Variants in WDR35 observed in about 807,000 individuals in gnomAD.
WDR35 encodes the protein WD repeat domain 35, also known as WD repeat-containing protein 35.
WDR35 carries 118 observed loss-of-function variants against 158.3 expected under a neutral mutation model. The observed-to-expected ratio is 0.75, with a 90% CI of 0.64 to 0.87. WDR35 has a LOEUF of 0.87. Among genes scored for constraint, WDR35 ranks in the 40% least tolerant of loss-of-function variants. The pLI is 0.00. For synonymous variants in WDR35, 448 were observed against 476.1 expected (o/e 0.94, Z 0.77); for missense variants, 1,263 against 1,405.8 (o/e 0.90, Z 1.62).
chr2:19,927,550 C>T (rs1446208130), intron 25 of WDR35, among the ~76,000 whole-genome samples: 5 of 152,132 alleles, frequency 3.3e-5, no homozygotes, highest in African/African-American at 1.2e-4. Context: ...TTATCTAGAA[C>T]CATGGTGGTA....
At chr2:19,957,847 C>T (rs973456276) in intron 11 of WDR35, among the ~76,000 whole-genome samples, 6 of 152,020 alleles carry the variant, frequency 3.9e-5, no homozygotes, top group Admixed American at 6.5e-5. Flanking sequence ...GCCACCATGC[C>T]CAGCTTGGAA....
At chr2:19,932,526 A>C in intron 22 of WDR35, 79 bp from the exon 23 acceptor site, 1 of 1,565,050 alleles carries the variant, frequency 6.4e-7, no homozygotes, top group East Asian at 2.3e-5. Context: ...AGAAAGCTTT[A>C]AGTTTATAGT....
At position 19,946,285 on chromosome 2, in the gene WDR35, C is replaced by T. The variant is rs77384238; in HGVS notation, c.1634+176G>A. On this transcript the variant is annotated intron_variant, in intron 15 of 26. Coordinates refer to ENST00000281405, the MANE Select transcript of WDR35 (RefSeq NM_020779.4). ...GAGTAAAAAATTATACTAGTACTTC[C>T]ACACGCCCAATTAAAAACATTTAAA... Among the ~76,000 whole-genome samples the T allele has an allele frequency of 9.4e-3, 1,437 of 152,224 alleles. 24 individuals carry two copies. The highest frequency in any genetic ancestry group is 0.033 in the African/African-American group (1,362 of 41,544).
intron 2 of WDR35, among the ~76,000 whole-genome samples, chr2:19,986,036 T>TATA (rs994196340): frequency 6.6e-6 from 1 of 151,508 alleles, no homozygotes; most frequent in Non-Finnish European, 1.5e-5. Flanking sequence ...TAGCTGGAGC[T>TATA]ATAGAGGGAG....
At chr2:19,970,196 C>T (rs1280251337) in intron 8 of WDR35, among the ~76,000 whole-genome samples, 1 of 152,154 alleles carries the variant, frequency 6.6e-6, no homozygotes, top group Non-Finnish European at 1.5e-5. Flanking sequence ...GGAAAAAACA[C>T]ATTGCTAATT....
At chr2:19,978,640 AT>A (rs1672285969) in intron 5 of WDR35, 110 bp downstream of exon 5, 1 of 1,474,358 alleles carries the variant, frequency 6.8e-7, no homozygotes, top group South Asian at 1.2e-5. Flanking sequence ...TTTCCCTTTT[AT>A]GTCTATTTTT....
chr2:19,913,477 A>G lies in WDR35; in HGVS notation c.*81T>C. ...TGATTTTCATACAAAACTCACAGAAATAAACCTTATTACATATACAGCATA... is the reference window on the plus strand; with the variant it reads ...TGATTTTCATACAAAACTCACAGAAGTAAACCTTATTACATATACAGCATA... On this transcript the variant is annotated 3_prime_UTR_variant, in exon 27 of 27. Coordinates refer to ENST00000281405, the MANE Select transcript of WDR35 (RefSeq NM_020779.4). The G allele has an allele frequency of 6.4e-7, 1 of 1,553,438 alleles. No homozygotes were observed. Among genetic ancestry groups the G allele is most frequent in the South Asian group, 1.2e-5 (1 of 85,548 alleles).
intron 5 of WDR35, among the ~76,000 whole-genome samples, chr2:19,977,899 C>T (rs1203448678): frequency 1.3e-5 from 2 of 152,138 alleles, no homozygotes; most frequent in Non-Finnish European, 2.9e-5. Context: ...CTTCTTAGGG[C>T]AGAGACATTC....
rs1670641960 is a variant in WDR35 at position 19,934,819 on chromosome 2, T to C, written c.2547+652A>G. On this transcript the variant is annotated intron_variant, in intron 21 of 26. Transcript: ENST00000281405. This position sits in a 1 kb window ranked among gnomAD's most constrained non-coding sequence, Gnocchi z 4.6. ...AGGGAAAACTGAATTACCGTAATTC[T>C]ATACTTATCTATTAACTAATAGGCA... Among the ~76,000 whole-genome samples the C allele has an allele frequency of 6.6e-6, 1 of 152,196 alleles. No homozygotes were observed. Among genetic ancestry groups the C allele is most frequent in the Non-Finnish European group, 1.5e-5 (1 of 68,030 alleles).
At chr2:19,975,386 G>T in intron 6 of WDR35, 144 bp downstream of exon 6, 1 of 1,065,088 alleles carries the variant, frequency 9.4e-7, no homozygotes, top group Non-Finnish European at 1.3e-6. Flanking sequence ...AAATTTAGAC[G>T]ATTGGGAAAA....
intron 10 of WDR35, among the ~76,000 whole-genome samples, chr2:19,964,199 A>G (rs1469501620): frequency 6.6e-6 from 1 of 151,942 alleles, no homozygotes; most frequent in Non-Finnish European, 1.5e-5. Flanking sequence ...TTTCTCCCCA[A>G]TGTTCTGAAA....
chr2:19,938,144 AAAG>A, intron 18 of WDR35, 118 bp downstream of exon 18: 1 of 1,468,134 alleles, frequency 6.8e-7, no homozygotes, highest in Non-Finnish European at 9.4e-7. Flanking sequence ...TACATCTTAA[AAAG>A]AAGAGCAAGA....
intron 2 of WDR35, among the ~76,000 whole-genome samples, chr2:19,983,534 A>G (rs1672456657): frequency 6.6e-6 from 1 of 152,272 alleles, no homozygotes. Flanking sequence ...ATCTTGGCTT[A>G]GAAATCTGTT....
chr2:19,927,885 GTTGT>G (rs991995698), intron 25 of WDR35, among the ~76,000 whole-genome samples: 10 of 152,332 alleles, frequency 6.6e-5, no homozygotes, highest in African/African-American at 1.9e-4. Flanking sequence ...TTTAATCTGT[GTTGT>G]TTGTCTTTCT....
chr2:19,951,364 A>C, intron 13 of WDR35, 51 bp downstream of exon 13: 1 of 1,400,978 alleles, frequency 7.1e-7, no homozygotes, highest in Non-Finnish European at 9.9e-7. Context: ...AAATTATAAT[A>C]TTTCAAATCT....
chr2:19,928,158 C>G (rs570184763), intron 25 of WDR35, among the ~76,000 whole-genome samples: 378 of 152,342 alleles, frequency 2.5e-3, no homozygotes, highest in Non-Finnish European at 4.2e-3. Flanking sequence ...CTGGCCCGCC[C>G]AGGGCAGAAA....
intron 11 of WDR35, among the ~76,000 whole-genome samples, chr2:19,956,171 G>C (rs778735963): frequency 3.0e-4 from 46 of 152,208 alleles, no homozygotes; most frequent in Middle Eastern, 6.8e-3. Context: ...TCTAATGCTG[G>C]TAACTATTAT....
In WDR35 at chr2:19,989,226, C is replaced by T. The variant is rs1303835293; in HGVS notation, c.81G>A (p.Gly27=). The change falls in exon 2 of 27, where the codon GGG becomes GGA. Residue 27 remains glycine (G), a synonymous_variant. Coordinates refer to ENST00000281405, the MANE Select transcript of WDR35 (RefSeq NM_020779.4). ...LQCVSWNKEQ[G]FIACGGEDGL... The stretch of plus-strand genomic sequence containing the variant: ...CATCTTCACCACCGCATGCTATGAA[C>T]CCTTGTTCCTTGTTCCAGGATACAC... The T allele has an allele frequency of 6.2e-7, 1 of 1,614,202 alleles. No homozygotes were observed. Among genetic ancestry groups the T allele is most frequent in the Admixed American group, 1.7e-5 (1 of 60,018 alleles).
intron 25 of WDR35, among the ~76,000 whole-genome samples, chr2:19,928,315 C>T (rs746445555): frequency 2.8e-4 from 42 of 152,288 alleles, no homozygotes; most frequent in Non-Finnish European, 5.4e-4. Flanking sequence ...TTTAGTTAAT[C>T]GAATATCTAT....
Sources: gnomAD v4.1 joint callset for allele counts (sites outside exome capture counted in the v4.1 genomes callset) on GRCh38, gnomAD v4.1.1 for gene constraint, Gnocchi (gnomAD v3.1) non-coding constraint, MANE v1.5 for transcripts, NCBI Gene and HGNC (gene_info 2026-07-23, HGNC 2026-07-21) for gene names.